PPIG: variants seen among roughly 807,000 people sequenced by gnomAD.
The protein encoded by PPIG is peptidylprolyl isomerase G, also known as peptidyl-prolyl cis-trans isomerase G.
In PPIG, 26 loss-of-function variants were observed where a neutral mutation model predicts 87.9. The observed-to-expected ratio is 0.30, with a 90% confidence interval of 0.22 to 0.41. The LOEUF (loss-of-function observed/expected upper bound fraction) is 0.41. PPIG is among the 10% of genes least tolerant of loss of function. PPIG has a pLI of 1.00. For missense variants in PPIG, 722 were observed against 879.4 expected (o/e 0.82, Z 2.26); for synonymous variants, 308 against 276.5 (o/e 1.11, Z -1.13).
intron 9 of PPIG, among the ~76,000 whole-genome samples, chr2:169,620,140 C>T (rs770083051): frequency 1.3e-4 from 19 of 151,966 alleles, no homozygotes; most frequent in Non-Finnish European, 4.4e-5. Context: ...GGGGTCATAT[C>T]CAGAAAAATC....
chr2:169,624,550 G>A (rs756109869), intron 9 of PPIG, among the ~76,000 whole-genome samples: 1 of 152,162 alleles, frequency 6.6e-6, no homozygotes, highest in Middle Eastern at 3.4e-3. Context: ...TAAAAGAAAC[G>A]CTGAAATCAA....
In PPIG at chr2:169,640,848, C is replaced by T. The variant is rs1574470115; in HGVS notation, c.*3325C>T. The stretch of plus-strand genomic sequence containing the variant: ...TTCGGGCAAGTGCAAAGTCTTTGGC[C>T]TATTGTGTGACAAAGAGGTATATAT... On this transcript the variant is annotated 3_prime_UTR_variant, in exon 14 of 14. Transcript: ENST00000260970. 6.6e-6 allele frequency: 1 copy of T among 152,092 alleles called. No homozygotes were observed. The highest frequency in any genetic ancestry group is 2.1e-4 in the South Asian group (1 of 4,810). 9.4% of individuals were successfully genotyped at this position (152,092 alleles called of 1,614,324 possible).
intron 9 of PPIG, among the ~76,000 whole-genome samples, chr2:169,629,887 CT>C (rs1370434608): frequency 6.6e-6 from 1 of 152,142 alleles, no homozygotes; most frequent in Non-Finnish European, 1.5e-5. Flanking sequence ...ATGCTTTATA[CT>C]TTATGAGTAT....
intron 9 of PPIG, among the ~76,000 whole-genome samples, chr2:169,622,858 A>C (rs528353438): frequency 6.6e-6 from 1 of 152,350 alleles, no homozygotes; most frequent in South Asian, 2.1e-4. Context: ...ATTAATTGGG[A>C]ACAGTCAAAA....
At chr2:169,586,267 G>A (rs1051895229) in intron 1 of PPIG, among the ~76,000 whole-genome samples, 1 of 152,124 alleles carries the variant, frequency 6.6e-6, no homozygotes, top group African/African-American at 2.4e-5. Context: ...GCTTTTCTAG[G>A]CAGTCAGTTG....
chr2:169,637,146 A>G lies in PPIG; in HGVS notation c.1888A>G (p.Ser630Gly), dbSNP rs1686202356. 2 of 1,612,512 alleles carry G rather than the reference A, an allele frequency of 1.2e-6. No individual in the cohort carries two copies. Among genetic ancestry groups the G allele is most frequent in the Admixed American group, 3.4e-5 (2 of 59,670 alleles). The change falls in exon 14 of 14, where the codon AGC becomes GGC. Residue 630 changes from serine (S) to glycine (G), a missense_variant. By Grantham distance (56) the Ser-to-Gly change is moderately conservative. This residue lies in a region of PPIG where 476 missense variants were observed against 483.1 expected (regional missense o/e 0.99). Coordinates refer to ENST00000260970, the MANE Select transcript of PPIG (RefSeq NM_004792.3). The stretch of plus-strand genomic sequence containing the variant: ...GAGGAGAAGGAGGAGAGACTCACGG[A>G]GCTCAGAGAGAGAAGAAAGTCAAAG... ...DRRRRRRDSR[S>G]SEREESQSRN...
At chr2:169,591,640 T>C (rs186235261) in intron 1 of PPIG, among the ~76,000 whole-genome samples, 2 of 152,082 alleles carry the variant, frequency 1.3e-5, no homozygotes, top group African/African-American at 4.8e-5. Context: ...GGTAAGTACA[T>C]GAGGTCAAGT....
chr2:169,592,361 G>A (rs1464643602), intron 1 of PPIG, among the ~76,000 whole-genome samples: 3 of 134,828 alleles, frequency 2.2e-5, no homozygotes, highest in African/African-American at 5.7e-5. Context: ...CTGGAGTGCA[G>A]TGGCGCGAAC....
At chr2:169,631,684 GA>G (rs1207739404) in intron 10 of PPIG, 81 bp from the exon 11 acceptor site, 6 of 1,594,292 alleles carry the variant, frequency 3.8e-6, no homozygotes, top group Admixed American at 1.8e-5. Flanking sequence ...TGATATAAAG[GA>G]AAGAAATACC....
In PPIG at chr2:169,586,238, T is replaced by A. The variant is rs139764185; in HGVS notation, c.-70+1748T>A. ...GTAGTAGGATTCTGCGCATTTGAATTGTTGGTTTCCTTTTTAAGGCTTTTC... is the reference window on the plus strand; with the variant it reads ...GTAGTAGGATTCTGCGCATTTGAATAGTTGGTTTCCTTTTTAAGGCTTTTC... On this transcript the variant is annotated intron_variant, in intron 1 of 13. Transcript: ENST00000260970. Among the ~76,000 whole-genome samples, 34 of 152,282 alleles carry A rather than the reference T, an allele frequency of 2.2e-4. No individual in the cohort carries two copies. The East Asian group carries it at 6.6e-3, about 29-fold the overall frequency.
chr2:169,604,848 T>A (rs976253068), intron 4 of PPIG, among the ~76,000 whole-genome samples: 1 of 150,508 alleles, frequency 6.6e-6, no homozygotes, highest in African/African-American at 2.5e-5. Flanking sequence ...CACTCCAGCC[T>A]GAGCTAGAAG....
At chr2:169,594,816 C>T (rs1684976076) in intron 1 of PPIG, among the ~76,000 whole-genome samples, 4 of 151,798 alleles carry the variant, frequency 2.6e-5, no homozygotes, top group South Asian at 2.1e-4. Context: ...TTAGTGGAGA[C>T]GGAATTTCAC....
At position 169,606,591 on chromosome 2, in the gene PPIG, C is replaced by CAAAA. The variant is rs71006009; in HGVS notation, c.244+459_244+462dup. On this transcript the variant is annotated intron_variant, in intron 5 of 13. Transcript: ENST00000260970. Reference sequence around the variant, plus strand: ...TGAATGACAGAGCAAGACTCTGTCTCAAAAAAAAAAAAAAAAAGAAGGAAG... The same window carrying CAAAA: ...TGAATGACAGAGCAAGACTCTGTCTCAAAAAAAAAAAAAAAAAAAAAGAAGGAAG... Among the ~76,000 whole-genome samples, 39 of 85,032 alleles carry CAAAA rather than the reference C, an allele frequency of 4.6e-4. 4 individuals carry two copies. The highest frequency in any genetic ancestry group is 2.0e-3 in the African/African-American group (36 of 18,302). The allele number at this position is 85,032 out of a possible 152,430, so 55.8% of individuals were successfully genotyped here. A position where few individuals can be genotyped will look rare whatever the true frequency, so the allele number is the denominator to read the frequency against.
intron 7 of PPIG, among the ~76,000 whole-genome samples, chr2:169,614,197 A>G (rs923025712): frequency 1.4e-4 from 21 of 152,334 alleles, no homozygotes; most frequent in African/African-American, 5.1e-4. Flanking sequence ...TAACACTGAA[A>G]TGTCTATTTT....
At chr2:169,620,015 C>A (rs1194212010) in intron 9 of PPIG, among the ~76,000 whole-genome samples, 2 of 152,210 alleles carry the variant, frequency 1.3e-5, no homozygotes, top group African/African-American at 4.8e-5. Flanking sequence ...AATATTTTCT[C>A]CCATTCCAGA....
chr2:169,626,403 T>C (rs1558899138), intron 9 of PPIG, among the ~76,000 whole-genome samples: 1 of 152,234 alleles, frequency 6.6e-6, no homozygotes, highest in Non-Finnish European at 1.5e-5. Context: ...TTTTATTTTT[T>C]ATTTTTTTGG....
intron 11 of PPIG, 76 bp downstream of exon 11, chr2:169,632,009 C>T (rs1019320232): frequency 4.5e-6 from 6 of 1,339,130 alleles, no homozygotes; most frequent in Non-Finnish European, 5.8e-6. Flanking sequence ...TTATTTTAAA[C>T]AAGATTTAAT....
intron 1 of PPIG, among the ~76,000 whole-genome samples, chr2:169,602,180 C>G (rs953620038): frequency 2.0e-5 from 3 of 151,960 alleles, no homozygotes; most frequent in Non-Finnish European, 2.9e-5. Flanking sequence ...TAAACTGTGT[C>G]CCATCCCCAG....
At chr2:169,621,411 G>T (rs530184454) in intron 9 of PPIG, among the ~76,000 whole-genome samples, 1 of 152,030 alleles carries the variant, frequency 6.6e-6, no homozygotes, top group Non-Finnish European at 1.5e-5. Flanking sequence ...GTATGCTTCA[G>T]CTCATGGGAT....
Sources: allele counts gnomAD v4.1 joint callset (sites outside exome capture counted in the v4.1 genomes callset), GRCh38; gene constraint gnomAD v4.1.1; regional missense constraint gnomAD v4.1.1; transcripts MANE v1.5; gene names NCBI Gene and HGNC (gene_info 2026-07-23, HGNC 2026-07-21).